ADAMTS17: variants seen among roughly 807,000 people sequenced by gnomAD.
ADAMTS17 encodes ADAM metallopeptidase with thrombospondin type 1 motif 17.
ADAMTS17 carries 113 observed loss-of-function variants against 141.5 expected under a neutral mutation model. The observed-to-expected ratio is 0.80, with a 90% CI of 0.69 to 0.93. The LOEUF (loss-of-function observed/expected upper bound fraction) is 0.93. Ranked by LOEUF, ADAMTS17 falls within the 40% of genes least tolerant of loss-of-function variation. The pLI is 0.00. For missense variants in ADAMTS17, 1,659 were observed against 1,517.9 expected (o/e 1.09, Z -1.54); for synonymous variants, 768 against 630.6 (o/e 1.22, Z -3.27).
At chr15:100,207,668 G>A (rs1231781567) in intron 7 of ADAMTS17, among the ~76,000 whole-genome samples, 2 of 152,188 alleles carry the variant, frequency 1.3e-5, no homozygotes, top group Admixed American at 6.5e-5. Context: ...TGGAGTGGGG[G>A]TGTTCTGTAT....
At chr15:100,047,834 G>C (rs952942101) in intron 18 of ADAMTS17, among the ~76,000 whole-genome samples, 45 of 152,132 alleles carry the variant, frequency 3.0e-4, no homozygotes, top group African/African-American at 9.4e-4. Flanking sequence ...ATAGGTTCGT[G>C]GTACAGCTGC....
chr15:100,255,318 A>C (rs2043287875), intron 6 of ADAMTS17, among the ~76,000 whole-genome samples: 1 of 152,116 alleles, frequency 6.6e-6, no homozygotes, highest in Admixed American at 6.5e-5. Context: ...CCCAGGCCCC[A>C]CACCCATCTT....
chr15:100,113,775 G>C (rs749478612), intron 13 of ADAMTS17, among the ~76,000 whole-genome samples: 1 of 152,226 alleles, frequency 6.6e-6, no homozygotes, highest in Non-Finnish European at 1.5e-5. Flanking sequence ...GCTGTCGTCA[G>C]AGAGTCCTAA....
chr15:100,146,703 G>C (rs2038921509), intron 10 of ADAMTS17, among the ~76,000 whole-genome samples: 1 of 33,664 alleles, frequency 3.0e-5, no homozygotes, highest in South Asian at 1.0e-3. Context: ...AAAAGCAAAT[G>C]GGAGAAGTAT....
chr15:100,109,574 C>T (rs2036621081), intron 13 of ADAMTS17, among the ~76,000 whole-genome samples: 1 of 152,114 alleles, frequency 6.6e-6, no homozygotes, highest in Non-Finnish European at 1.5e-5. Flanking sequence ...GTAAGAGCTT[C>T]AGTGCTCCCC....
At chr15:100,266,058 T>C (rs113961275) in intron 4 of ADAMTS17, among the ~76,000 whole-genome samples, 1,898 of 152,318 alleles carry the variant, frequency 0.012, 18 homozygotes, top group Non-Finnish European at 0.019. Context: ...GTAAAATTCA[T>C]GTCATTTTCC....
chr15:100,084,726 C>A (rs1377934578), intron 15 of ADAMTS17, among the ~76,000 whole-genome samples: 3 of 152,184 alleles, frequency 2.0e-5, no homozygotes, highest in African/African-American at 4.8e-5. Flanking sequence ...GATACCCAGG[C>A]AAACAGGGTC....
chr15:100,149,973 G>A (rs1467078367), intron 10 of ADAMTS17, among the ~76,000 whole-genome samples: 5 of 152,236 alleles, frequency 3.3e-5, no homozygotes, highest in Non-Finnish European at 5.9e-5. Context: ...GCTGAGGCTG[G>A]TGGCCATGAA....
Position 100,107,910 on chromosome 15 carries a change from C to A in ADAMTS17, c.2016+1079G>T, listed in dbSNP as rs567269309. Among the ~76,000 whole-genome samples, 795 of 152,276 alleles carry A rather than the reference C, an allele frequency of 5.2e-3. 3 individuals are homozygous for A. Among genetic ancestry groups the A allele is most frequent in the Middle Eastern group, 0.014 (4 of 294 alleles). On this transcript the variant is annotated intron_variant, in intron 14 of 21. Coordinates refer to ENST00000268070, the MANE Select transcript of ADAMTS17 (RefSeq NM_139057.4). ...TGGGGCTCTCTCACAACATGCCCAG[C>A]TTGACCCGAGTCACCAGGGAGTATG...
At chr15:100,100,662 C>A (rs574351503) in intron 14 of ADAMTS17, among the ~76,000 whole-genome samples, 1 of 152,286 alleles carries the variant, frequency 6.6e-6, no homozygotes, top group East Asian at 1.9e-4. Context: ...ACTTCTCCTC[C>A]ATGTTCAGCT....
At chr15:100,190,749 G>T (rs1345944974) in intron 8 of ADAMTS17, among the ~76,000 whole-genome samples, 1 of 152,216 alleles carries the variant, frequency 6.6e-6, no homozygotes, top group African/African-American at 2.4e-5. Flanking sequence ...AGCTGCATCA[G>T]ATCACACCCC....
chr15:100,097,495 AGGCAG>A (rs2035834871), intron 14 of ADAMTS17, among the ~76,000 whole-genome samples: 1 of 152,234 alleles, frequency 6.6e-6, no homozygotes, highest in East Asian at 1.9e-4. Flanking sequence ...TCCCACCTGC[AGGCAG>A]GGCTTAGAGC....
intron 7 of ADAMTS17, among the ~76,000 whole-genome samples, chr15:100,246,249 G>C (rs891238254): frequency 6.6e-6 from 1 of 152,116 alleles, no homozygotes; most frequent in Non-Finnish European, 1.5e-5. Context: ...AATCCAAGCT[G>C]AATTTGTGGG....
intron 7 of ADAMTS17, among the ~76,000 whole-genome samples, chr15:100,246,570 A>G (rs1403448808): frequency 2.0e-5 from 3 of 152,194 alleles, no homozygotes; most frequent in Admixed American, 2.0e-4. Flanking sequence ...TAACCTTCTC[A>G]GAGTAGACAC....
chr15:100,103,418 A>C (rs1245416884), intron 14 of ADAMTS17, among the ~76,000 whole-genome samples: 1 of 152,068 alleles, frequency 6.6e-6, no homozygotes, highest in African/African-American at 2.4e-5. Flanking sequence ...AATTCTCCTA[A>C]ACTTCCCCAG....
intron 20 of ADAMTS17, among the ~76,000 whole-genome samples, chr15:99,978,203 C>G (rs575607563): frequency 1.3e-5 from 2 of 152,244 alleles, no homozygotes; most frequent in South Asian, 4.1e-4. Context: ...CGGTGGTGTC[C>G]CATCTGTGCC....
At chr15:100,298,563 G>T (rs781327102) in intron 3 of ADAMTS17, among the ~76,000 whole-genome samples, 1 of 152,116 alleles carries the variant, frequency 6.6e-6, no homozygotes, top group Non-Finnish European at 1.5e-5. Context: ...TCCAGGAACC[G>T]GTACAGAACT....
intron 20 of ADAMTS17, among the ~76,000 whole-genome samples, chr15:99,991,093 C>T (rs576779803): frequency 6.6e-6 from 1 of 152,272 alleles, no homozygotes; most frequent in Admixed American, 6.5e-5. Context: ...GGCAATACCA[C>T]TCAGGACATA....
At chr15:100,187,619 GTAA>G (rs2040766087) in intron 8 of ADAMTS17, among the ~76,000 whole-genome samples, 2 of 152,154 alleles carry the variant, frequency 1.3e-5, no homozygotes, top group African/African-American at 2.4e-5. Flanking sequence ...CAGGCCATGG[GTAA>G]TAATATAACA....
Sources: gnomAD v4.1 joint callset for allele counts (sites outside exome capture counted in the v4.1 genomes callset) on GRCh38, gnomAD v4.1.1 for gene constraint, MANE v1.5 for transcripts, NCBI Gene and HGNC (gene_info 2026-07-23, HGNC 2026-07-21) for gene names.